SLC8A3: variants seen among roughly 807,000 people sequenced by gnomAD.
The protein encoded by SLC8A3 is solute carrier family 8 member A3, also known as sodium/calcium exchanger 3.
SLC8A3 carries 37 observed loss-of-function variants against 65.4 expected under a neutral mutation model. That is an observed-to-expected ratio of 0.57 (90% confidence interval 0.44 to 0.74). The LOEUF is 0.74. SLC8A3 is among the 30% of genes least tolerant of loss of function. The pLI is 0.00. For synonymous variants in SLC8A3, 461 were observed against 444.5 expected, an observed-to-expected ratio of 1.04 and a Z score of -0.47; for missense variants, 1,112 against 1,172.1, an observed-to-expected ratio of 0.95 and a Z score of 0.75.
rs768847558 is a variant in SLC8A3 at position 70,167,360 on chromosome 14, G to A, written c.1063C>T (p.Arg355Cys). Residue 355 changes from arginine to cysteine, a missense_variant, in exon 2 of 7, where the codon CGT becomes TGT. Physicochemically the swap from Arg to Cys is radical, Grantham distance 180 (BLOSUM62 -3). Transcript: ENST00000356921. ...GTCATCATACGAGTGGCTTGGATAC[G>A]GTAGAAGGCACGGCTCTTCTGTTGG... ...SHQQKSRAFY[R>C]IQATRMMTGA... 5.0e-6 allele frequency: 8 copies of A among 1,613,938 alleles called. No individual in the cohort carries two copies. Among genetic ancestry groups the A allele is most frequent in the Middle Eastern group, 1.6e-4 (1 of 6,084 alleles).
intron 2 of SLC8A3, among the ~76,000 whole-genome samples, chr14:70,146,010 A>G (rs1895904070): frequency 6.6e-6 from 1 of 152,132 alleles, no homozygotes; most frequent in African/African-American, 2.4e-5. Context: ...AGAAGACAGC[A>G]TGTCCAAATG....
In SLC8A3 at chr14:70,048,944, C is replaced by A. The variant is rs1366107939; in HGVS notation, c.2212G>T (p.Ala738Ser). 6.2e-7 allele frequency: 1 copy of A among 1,614,222 alleles called. No homozygotes were observed. The highest frequency in any genetic ancestry group is 1.7e-5 in the Admixed American group (1 of 60,034). The change falls in exon 6 of 7, where the codon GCC becomes TCC. Residue 738 changes from alanine to serine, a missense_variant. Ala to Ser is a moderately conservative substitution (Grantham distance 99). Transcript: ENST00000356921. ...CAGTACTCTGTGGGGGGCACACAGG[C>A]AAACAGCACCTTCCAGAAGACAGTC... The part of the protein sequence containing the change: ...FLTVFWKVLF[A>S]CVPPTEYCHG...
chr14:70,078,603 T>G (rs1566762760), intron 2 of SLC8A3, among the ~76,000 whole-genome samples: 1 of 152,214 alleles, frequency 6.6e-6, no homozygotes, highest in Non-Finnish European at 1.5e-5. Flanking sequence ...GATGGCTGGC[T>G]GACTTTAAGC....
In SLC8A3 at chr14:70,184,881, T is replaced by C. The variant is rs1344181808; in HGVS notation, c.-63+3498A>G. Among the ~76,000 whole-genome samples the C allele has an allele frequency of 2.0e-5, 3 of 152,346 alleles. No homozygotes were observed. The East Asian group carries it at 5.8e-4, about 29-fold the overall frequency. Reference sequence around the variant, plus strand: ...TTTTTCTTTTGGAGTTCAATGTTTTTCTGAGCCTCAGCACGTATTTGAACC... The same window carrying C: ...TTTTTCTTTTGGAGTTCAATGTTTTCCTGAGCCTCAGCACGTATTTGAACC... On this transcript the variant is annotated intron_variant, in intron 1 of 6. Transcript: ENST00000356921.
chr14:70,137,220 A>T (rs1177612213), intron 2 of SLC8A3, among the ~76,000 whole-genome samples: 2 of 150,408 alleles, frequency 1.3e-5, no homozygotes, highest in Non-Finnish European at 2.9e-5. Flanking sequence ...ATCTTGGCTC[A>T]CTGCAACCTC....
rs780219719 is a variant in SLC8A3 at position 70,045,984 on chromosome 14, G to A, written c.2729C>T (p.Ala910Val). Residue 910 changes from alanine (A) to valine (V), a missense_variant, in exon 7 of 7, where the codon GCC (alanine) becomes GTC (valine). Physicochemically the swap from Ala to Val is moderately conservative, Grantham distance 64. Coordinates refer to ENST00000356921, the MANE Select transcript of SLC8A3 (RefSeq NM_182932.3). ...GATGTAGCAATAGGCCTCTAGTGTG[G>A]CAAAGAGTATGTAGAGGAGCCACAG... ...VSLWLLYILF[A>V]TLEAYCYIKG... The A allele has an allele frequency of 5.6e-6, 9 of 1,607,238 alleles. No homozygotes were observed. Among genetic ancestry groups the A allele is most frequent in the South Asian group, 5.5e-5 (5 of 90,554 alleles).
At chr14:70,091,927 C>A (rs1324466821) in intron 2 of SLC8A3, among the ~76,000 whole-genome samples, 1 of 152,180 alleles carries the variant, frequency 6.6e-6, no homozygotes, top group Non-Finnish European at 1.5e-5. Flanking sequence ...TCCCTTCCCC[C>A]AAATCCTCTA....
At chr14:70,122,189 T>C (rs954415280) in intron 2 of SLC8A3, among the ~76,000 whole-genome samples, 5 of 152,210 alleles carry the variant, frequency 3.3e-5, no homozygotes, top group African/African-American at 1.2e-4. Flanking sequence ...GAAGGTGGCA[T>C]CTTTTCTGTG....
intron 2 of SLC8A3, among the ~76,000 whole-genome samples, chr14:70,159,610 GTCC>G (rs1896768530): frequency 1.3e-5 from 2 of 152,126 alleles, no homozygotes; most frequent in African/African-American, 4.8e-5. Flanking sequence ...GCCAGAAAGA[GTCC>G]TCCTCATTTA....
chr14:70,078,444 T>C (rs556636958), intron 2 of SLC8A3, among the ~76,000 whole-genome samples: 2 of 152,356 alleles, frequency 1.3e-5, no homozygotes, highest in African/African-American at 4.8e-5. Flanking sequence ...ATACACATTA[T>C]ATTATCTGAT....
chr14:70,086,497 G>A (rs753339250), intron 2 of SLC8A3, among the ~76,000 whole-genome samples: 12 of 148,256 alleles, frequency 8.1e-5, no homozygotes, highest in Non-Finnish European at 1.8e-4. Flanking sequence ...CGCCTCCCAG[G>A]TTCAAGTGAT....
At chr14:70,074,436 C>T (rs1390215379) in intron 2 of SLC8A3, among the ~76,000 whole-genome samples, 1 of 152,156 alleles carries the variant, frequency 6.6e-6, no homozygotes, top group South Asian at 2.1e-4. Flanking sequence ...AATAGTGGAT[C>T]CTTTGTGCTA....
At chr14:70,172,954 G>C (rs1015398391) in intron 1 of SLC8A3, among the ~76,000 whole-genome samples, 1 of 152,134 alleles carries the variant, frequency 6.6e-6, no homozygotes, top group Non-Finnish European at 1.5e-5. Context: ...CCCAGGCAAA[G>C]GCAAAGACAT....
intron 2 of SLC8A3, among the ~76,000 whole-genome samples, chr14:70,154,673 G>C (rs1020628394): frequency 1.3e-5 from 2 of 152,038 alleles, no homozygotes; most frequent in Non-Finnish European, 2.9e-5. Flanking sequence ...ACTTCTTATT[G>C]CACTTTTTCA....
intron 2 of SLC8A3, among the ~76,000 whole-genome samples, chr14:70,095,226 C>T (rs1892088274): frequency 6.6e-6 from 1 of 152,220 alleles, no homozygotes; most frequent in Admixed American, 6.5e-5. Context: ...TTCATAACTT[C>T]ACTTTGGTTG....
chr14:70,178,337 T>C (rs1303390822), intron 1 of SLC8A3, among the ~76,000 whole-genome samples: 3 of 152,334 alleles, frequency 2.0e-5, no homozygotes, highest in East Asian at 3.9e-4. Flanking sequence ...GCTCTGAAGA[T>C]GCACTGATGA....
chr14:70,140,837 A>C (rs1480901462), intron 2 of SLC8A3, among the ~76,000 whole-genome samples: 1 of 151,402 alleles, frequency 6.6e-6, no homozygotes, highest in African/African-American at 2.4e-5. Flanking sequence ...ACAAACTATG[A>C]GTTTCCTTTT....
intron 2 of SLC8A3, among the ~76,000 whole-genome samples, chr14:70,101,000 G>A (rs1420097014): frequency 6.6e-6 from 1 of 152,198 alleles, no homozygotes; most frequent in African/African-American, 2.4e-5. Flanking sequence ...CGAATGTAAG[G>A]TATTATGTTT....
At chr14:70,102,598 G>A (rs771890920) in intron 2 of SLC8A3, among the ~76,000 whole-genome samples, 1 of 151,966 alleles carries the variant, frequency 6.6e-6, no homozygotes, top group Non-Finnish European at 1.5e-5. Flanking sequence ...CTAATATTGT[G>A]GTCATAATGA....
Sources: gnomAD v4.1 joint callset for allele counts (sites outside exome capture counted in the v4.1 genomes callset) on GRCh38, gnomAD v4.1.1 for gene constraint, MANE v1.5 for transcripts, NCBI Gene and HGNC (gene_info 2026-07-23, HGNC 2026-07-21) for gene names.